The following MAPKAP1 variants were observed in gnomAD, a reference collection of about 807,000 sequenced individuals.
MAPKAP1 encodes the protein MAPK associated protein 1.
Under a neutral mutation model 65.7 loss-of-function variants are expected in MAPKAP1, and 20 were observed. That is an observed-to-expected ratio of 0.30 (90% confidence interval 0.21 to 0.44). MAPKAP1 has a LOEUF of 0.44. Among genes scored for constraint, MAPKAP1 ranks in the 20% least tolerant of loss-of-function variants. The pLI, the probability that MAPKAP1 is intolerant of heterozygous loss-of-function variation, is 1.00. For missense variants in MAPKAP1, 423 were observed against 648.0 expected (o/e 0.65, Z 3.77); for synonymous variants, 222 against 244.3 (o/e 0.91, Z 0.85).
intron 9 of MAPKAP1, among the ~76,000 whole-genome samples, chr9:125,483,888 A>G (rs982479706): frequency 2.0e-5 from 3 of 152,052 alleles, no homozygotes; most frequent in African/African-American, 4.8e-5. Flanking sequence ...TGATGATGAT[A>G]ATGATGATGT....
At chr9:125,694,039 A>T (rs975291165) in intron 1 of MAPKAP1, among the ~76,000 whole-genome samples, 5 of 151,834 alleles carry the variant, frequency 3.3e-5, no homozygotes, top group Non-Finnish European at 5.9e-5. Context: ...ATTTTTAAAA[A>T]TTTTTTAGGT....
intron 8 of MAPKAP1, among the ~76,000 whole-genome samples, chr9:125,498,803 C>T (rs1828882714): frequency 6.6e-6 from 1 of 152,158 alleles, no homozygotes; most frequent in Non-Finnish European, 1.5e-5. Flanking sequence ...AGGACACAGA[C>T]TTACAGACCT....
chr9:125,605,552 G>A (rs1309600063), intron 4 of MAPKAP1, among the ~76,000 whole-genome samples: 1 of 152,104 alleles, frequency 6.6e-6, no homozygotes, highest in African/African-American at 2.4e-5. Flanking sequence ...TGGTATTACT[G>A]CCATCTGAAG....
chr9:125,678,335 C>T (rs767112437), intron 1 of MAPKAP1, among the ~76,000 whole-genome samples: 1 of 151,980 alleles, frequency 6.6e-6, no homozygotes, highest in Admixed American at 6.5e-5. Flanking sequence ...CTCCGCCTCC[C>T]GGGTTCACGC....
chr9:125,614,505 T>A (rs1832690323), intron 4 of MAPKAP1, among the ~76,000 whole-genome samples: 1 of 152,062 alleles, frequency 6.6e-6, no homozygotes, highest in Admixed American at 6.6e-5. Context: ...GCGCCTGTAA[T>A]CCCAGCTACT....
At chr9:125,517,801 G>C (rs1829505162) in intron 7 of MAPKAP1, among the ~76,000 whole-genome samples, 1 of 152,162 alleles carries the variant, frequency 6.6e-6, no homozygotes, top group African/African-American at 2.4e-5. Context: ...CTGCAGCCCT[G>C]CCTGAATCCC....
At chr9:125,519,542 T>C (rs975211536) in intron 7 of MAPKAP1, among the ~76,000 whole-genome samples, 20 of 151,602 alleles carry the variant, frequency 1.3e-4, no homozygotes, top group Admixed American at 4.6e-4. Flanking sequence ...GGTGGGAGGA[T>C]TGCTTGAGCC....
intron 4 of MAPKAP1, among the ~76,000 whole-genome samples, chr9:125,606,569 T>C (rs571524279): frequency 1.3e-5 from 2 of 152,298 alleles, no homozygotes; most frequent in South Asian, 4.1e-4. Flanking sequence ...GCACATTCCC[T>C]GAATAGAGCA....
At chr9:125,585,810 A>G in intron 4 of MAPKAP1, 83 bp from the exon 5 acceptor site, 8 of 1,365,832 alleles carry the variant, frequency 5.9e-6, no homozygotes, top group Non-Finnish European at 8.2e-6. Flanking sequence ...TGGGCAGCAC[A>G]GCCATTTTTC....
chr9:125,507,687 T>C (rs1047010746), intron 7 of MAPKAP1, among the ~76,000 whole-genome samples: 1 of 152,222 alleles, frequency 6.6e-6, no homozygotes, highest in East Asian at 1.9e-4. Flanking sequence ...CAGTCCTTTT[T>C]ACACTACTTA....
chr9:125,683,244 C>G (rs1465695313), intron 1 of MAPKAP1, among the ~76,000 whole-genome samples: 1 of 152,170 alleles, frequency 6.6e-6, no homozygotes, highest in Non-Finnish European at 1.5e-5. Context: ...AGGCATGAGC[C>G]ACTGCGCCTG....
At position 125,559,724 on chromosome 9, in the gene MAPKAP1, G is replaced by T; in HGVS notation, c.757C>A (p.Pro253Thr). The T allele has an allele frequency of 6.2e-7, 1 of 1,613,922 alleles. No individual in the cohort carries two copies. Residue 253 changes from proline to threonine, a missense_variant, in exon 6 of 12, where the codon CCC becomes ACC. Transcript: ENST00000265960. ...TDFPPLDSNE[P>T]IHKFGFSTLA... ...GTACTGAAGCCAAACTTATGAATGG[G>T]CTCATTGGAATCCAGCGGGGGGAAA...
rs749378329 is a variant in MAPKAP1 at position 125,559,647 on chromosome 9, T to G, written c.834A>C (p.Ser278=). The G allele has an allele frequency of 2.5e-6, 4 of 1,611,452 alleles. No individual in the cohort carries two copies. The highest frequency in any genetic ancestry group is 3.4e-6 in the Non-Finnish European group (4 of 1,178,838). Residue 278 remains serine (S), a synonymous_variant, in exon 6 of 12, where the codon TCA becomes TCC. Transcript: ENST00000265960. ...TCAGTACTCACATTCGAACAAAGAG[T>G]GACTCTTTGGATGTCAGACCAGGAG... ...YSSPGLTSKE[S]LFVRINAAHG... is the part of the protein sequence containing the mutation.
At chr9:125,492,956 T>C (rs1854789811) in intron 8 of MAPKAP1, among the ~76,000 whole-genome samples, 1 of 152,058 alleles carries the variant, frequency 6.6e-6, no homozygotes, top group Admixed American at 6.5e-5. Flanking sequence ...TCCCAGATGA[T>C]GAAAGGAGGA....
At chr9:125,693,628 C>G (rs1267133030) in intron 1 of MAPKAP1, among the ~76,000 whole-genome samples, 3 of 147,634 alleles carry the variant, frequency 2.0e-5, no homozygotes, top group Non-Finnish European at 3.0e-5. Context: ...CACATATATA[C>G]ACATATACAC....
At chr9:125,585,791 C>T in intron 4 of MAPKAP1, 64 bp from the exon 5 acceptor site, 1 of 1,502,016 alleles carries the variant, frequency 6.7e-7, no homozygotes, top group East Asian at 2.3e-5. Context: ...CCACTGCTCT[C>T]CAGGCCTGTG....
At chr9:125,459,219 C>A (rs1418482971) in intron 10 of MAPKAP1, among the ~76,000 whole-genome samples, 6 of 149,342 alleles carry the variant, frequency 4.0e-5, no homozygotes, top group Non-Finnish European at 8.9e-5. Context: ...AGACGATGGG[C>A]GGCGGGGCAG....
intron 8 of MAPKAP1, among the ~76,000 whole-genome samples, chr9:125,496,568 A>G (rs898633964): frequency 6.6e-6 from 1 of 152,238 alleles, no homozygotes; most frequent in Admixed American, 6.5e-5. Context: ...AAGGAGGCAG[A>G]GCCTCCAGAA....
chr9:125,511,923 T>C (rs1829313317), intron 7 of MAPKAP1, among the ~76,000 whole-genome samples: 1 of 152,256 alleles, frequency 6.6e-6, no homozygotes, highest in South Asian at 2.1e-4. Flanking sequence ...GATGTATTTA[T>C]TGCAGTAATA....
Sources: allele counts gnomAD v4.1 joint callset (sites outside exome capture counted in the v4.1 genomes callset), GRCh38; gene constraint gnomAD v4.1.1; transcripts MANE v1.5; gene names NCBI Gene and HGNC (gene_info 2026-07-23, HGNC 2026-07-21).